The following CASP9 variants were observed in gnomAD, a reference collection of about 807,000 sequenced individuals.
CASP9 encodes the protein caspase 9.
A neutral mutation model predicts 43.5 loss-of-function variants in CASP9; 29 were observed. The ratio of observed to expected loss-of-function variants is 0.67; its 90% CI spans 0.50 to 0.91. The LOEUF (loss-of-function observed/expected upper bound fraction) is 0.91, where lower values mean the gene tolerates loss of function less well. Ranked by LOEUF, CASP9 falls within the 40% of genes least tolerant of loss-of-function variation. The pLI is 0.00. For missense variants in CASP9, 575 were observed against 537.4 expected (o/e 1.07, Z -0.69); for synonymous variants, 206 against 211.9 (o/e 0.97, Z 0.24).
intron 1 of CASP9, chr1:15,520,065 T>C (rs987659575): frequency 3.3e-5 from 5 of 151,452 alleles, no homozygotes; most frequent in African/African-American, 1.2e-4. Flanking sequence ...GAAGGAAGAG[T>C]CTGGTTATCT....
chr1:15,518,793 CA>C (rs1322356512), intron 1 of CASP9, among the ~76,000 whole-genome samples: 1 of 152,136 alleles, frequency 6.6e-6, no homozygotes, highest in African/African-American at 2.4e-5. Context: ...TGGCAAGGGA[CA>C]AGGCCTTTGT....
At chr1:15,510,845 G>C in intron 2 of CASP9, among the ~76,000 whole-genome samples, 1 of 152,086 alleles carries the variant, frequency 6.6e-6, no homozygotes, top group Admixed American at 6.6e-5. Flanking sequence ...AAAAGAATCA[G>C]TCTTCCAGCC....
intron 2 of CASP9, among the ~76,000 whole-genome samples, chr1:15,509,930 A>T (rs1210215033): frequency 6.6e-6 from 1 of 151,992 alleles, no homozygotes; most frequent in Non-Finnish European, 1.5e-5. Flanking sequence ...AGGTTATGAG[A>T]TGTTTTTTCT....
chr1:15,506,187 G>A (rs1022700926), intron 4 of CASP9, 108 bp from the exon 5 acceptor site: 34 of 737,902 alleles, frequency 4.6e-5, no homozygotes, highest in South Asian at 2.6e-4. Flanking sequence ...GGTGGTTCAC[G>A]CCTGTAATCC....
At position 15,504,546 on chromosome 1, in the gene CASP9, A is replaced by G. The variant is rs1709444394; in HGVS notation, c.868+65T>C. 4 of 1,521,276 alleles carry G rather than the reference A, an allele frequency of 2.6e-6. No homozygotes were observed. In the African/African-American group the frequency reaches 4.1e-5, roughly 16 times the overall value. The allele number at this position is 1,521,276 out of a possible 1,614,324, so 94.2% of individuals were successfully genotyped here. A position where few individuals can be genotyped will look rare whatever the true frequency, so the allele number is the denominator to read the frequency against. On this transcript the variant is annotated intron_variant, in intron 6 of 8. Coordinates refer to ENST00000333868, the MANE Select transcript of CASP9 (RefSeq NM_001229.5). ...GGGCCCTGTGAGGGGCAGGCTGGAG[A>G]AAGAAGCAGGTGGCGGCTCCCTCCC...
In CASP9 at chr1:15,504,699, G is replaced by A. The variant is rs1276246587; in HGVS notation, c.780C>T (p.Val260=). Residue 260 remains valine (V), a synonymous_variant, in exon 6 of 9, where the codon GTC becomes GTT. Coordinates refer to ENST00000333868, the MANE Select transcript of CASP9 (RefSeq NM_001229.5). ...CATTGAAGATGTTCACAATCTTCTC[G>A]ACCGACACAGGGCATCCATCTGTGC... ...VYGTDGCPVS[V]EKIVNIFNGT... 15 of 1,614,008 alleles carry A rather than the reference G, an allele frequency of 9.3e-6. No individual in the cohort carries two copies. The highest frequency in any genetic ancestry group is 1.6e-4 in the Middle Eastern group (1 of 6,084).
chr1:15,518,837 G>T (rs573232837), intron 1 of CASP9, among the ~76,000 whole-genome samples: 1 of 151,878 alleles, frequency 6.6e-6, no homozygotes, highest in South Asian at 2.1e-4. Context: ...CCTGAGACCT[G>T]TCAGGTGCCA....
upstream of CASP9, chr1:15,524,337 C>G (rs1459576802): frequency 7.0e-7 from 1 of 1,418,594 alleles, no homozygotes; most frequent in African/African-American, 1.5e-5. Flanking sequence ...CGCTCCCCAC[C>G]GCCTCCGGAC....
At position 15,492,908 on chromosome 1, in the gene CASP9, G is replaced by A. The variant is rs1466477300; in HGVS notation, c.*35C>T. The A allele has an allele frequency of 1.2e-6, 2 of 1,610,982 alleles. No homozygotes were observed. Among genetic ancestry groups the A allele is most frequent in the Non-Finnish European group, 1.7e-6 (2 of 1,179,730 alleles). On this transcript the variant is annotated 3_prime_UTR_variant, in exon 9 of 9. Transcript: ENST00000333868. ...TCAGGCCTGGGGCAGGAAAGCTTTG[G>A]GGTGCAAGATAAGGCAGGGTGAGGG...
chr1:15,493,732 A>G, intron 8 of CASP9, 160 bp downstream of exon 8: 3 of 1,512,890 alleles, frequency 2.0e-6, no homozygotes, highest in East Asian at 2.5e-5. Flanking sequence ...CCTCTCATAA[A>G]GAGACACAAA....
At chr1:15,501,819 C>T (rs1424575516) in intron 6 of CASP9, among the ~76,000 whole-genome samples, 2 of 151,874 alleles carry the variant, frequency 1.3e-5, no homozygotes, top group Admixed American at 6.6e-5. Context: ...TCACTCAGGC[C>T]GGAGTGCAAT....
At chr1:15,509,949 G>A (rs1390712604) in intron 2 of CASP9, among the ~76,000 whole-genome samples, 3 of 150,630 alleles carry the variant, frequency 2.0e-5, no homozygotes, top group Non-Finnish European at 4.4e-5. Flanking sequence ...CTTTTTTTTT[G>A]AGACAGAGTC....
chr1:15,494,633 G>A (rs1452229845), intron 7 of CASP9, among the ~76,000 whole-genome samples: 1 of 151,514 alleles, frequency 6.6e-6, no homozygotes, highest in Non-Finnish European at 1.5e-5. Flanking sequence ...GGAAGCCGAG[G>A]CAGGTGGATC....
At chr1:15,514,642 C>G (rs1488702768) in intron 2 of CASP9, among the ~76,000 whole-genome samples, 1 of 152,148 alleles carries the variant, frequency 6.6e-6, no homozygotes, top group Non-Finnish European at 1.5e-5. Flanking sequence ...CCATGTCTAC[C>G]ACGGCACAGG....
At position 15,502,764 on chromosome 1, in the gene CASP9, C is replaced by T. The variant is rs1268154821; in HGVS notation, c.868+1847G>A. Among the ~76,000 whole-genome samples, 6 of 152,256 alleles carry T rather than the reference C, an allele frequency of 3.9e-5. No individual in the cohort carries two copies. In the East Asian group the frequency reaches 7.7e-4, roughly 20 times the overall value. ...TGTCCAGAAAGTAGGTATGCCTGCT[C>T]AGCCTGCATTCCTAATTCCCCTGCC... On this transcript the variant is annotated intron_variant, in intron 6 of 8. Transcript: ENST00000333868.
intron 1 of CASP9, among the ~76,000 whole-genome samples, chr1:15,523,031 C>T (rs750803201): frequency 1.3e-5 from 2 of 152,256 alleles, no homozygotes; most frequent in Non-Finnish European, 2.9e-5. Context: ...GCCAGCCACT[C>T]ACACCTACTG....
chr1:15,511,391 A>G (rs1254182791), intron 2 of CASP9, among the ~76,000 whole-genome samples: 2 of 145,200 alleles, frequency 1.4e-5, no homozygotes, highest in Admixed American at 7.0e-5. Flanking sequence ...AGCTAGGACT[A>G]CACCACCACA....
At position 15,495,415 on chromosome 1, in the gene CASP9, G is replaced by A; in HGVS notation, c.906C>T (p.Ser302=). ...KDHGFEVAST[S]PEDESPGSNP... ...TACTGCCAGGGGACTCGTCTTCAGG[G>A]GAAGTGGAGGCCACCTCAAACCCAT... The change falls in exon 7 of 9, where the codon TCC becomes TCT. Residue 302 remains serine, a synonymous_variant. Transcript: ENST00000333868. 6.2e-7 allele frequency: 1 copy of A among 1,605,150 alleles called. No individual in the cohort carries two copies. Among genetic ancestry groups the A allele is most frequent in the Non-Finnish European group, 8.5e-7 (1 of 1,175,734 alleles).
chr1:15,493,227 T>C, intron 8 of CASP9, 192 bp from the exon 9 acceptor site: 1 of 1,407,708 alleles, frequency 7.1e-7, no homozygotes, highest in Non-Finnish European at 9.2e-7. Context: ...ATTCAAAATT[T>C]CCAAATTCAT....
Sources: gnomAD v4.1 joint callset for allele counts (sites outside exome capture counted in the v4.1 genomes callset) on GRCh38, gnomAD v4.1.1 for gene constraint, MANE v1.5 for transcripts, NCBI Gene and HGNC (gene_info 2026-07-23, HGNC 2026-07-21) for gene names.